CACNA1C: variants seen among roughly 807,000 people sequenced by gnomAD.
CACNA1C encodes the protein calcium voltage-gated channel subunit alpha1 C.
CACNA1C carries 30 observed loss-of-function variants against 229.0 expected under a neutral mutation model. The ratio of observed to expected loss-of-function variants is 0.13; its 90% CI spans 0.10 to 0.18. The LOEUF (loss-of-function observed/expected upper bound fraction) is 0.18, where lower values mean the gene tolerates loss of function less well. Ranked by LOEUF, CACNA1C falls within the 10% of genes least tolerant of loss-of-function variation. CACNA1C has a pLI of 1.00. For missense variants in CACNA1C, 1,658 were observed against 2,845.0 expected (o/e 0.58, Z 9.49); for synonymous variants, 1,114 against 1,132.5 (o/e 0.98, Z 0.33).
At chr12:2,436,576 C>T (rs1209549920) in intron 3 of CACNA1C, among the ~76,000 whole-genome samples, 4 of 152,188 alleles carry the variant, frequency 2.6e-5, no homozygotes, top group Non-Finnish European at 4.4e-5. Flanking sequence ...CCCACACAGG[C>T]TGGGAGCTAA....
intron 3 of CACNA1C, among the ~76,000 whole-genome samples, chr12:2,420,455 CTCCCACTGGCTT>C (rs2098967516): frequency 6.6e-6 from 1 of 152,166 alleles, no homozygotes. Flanking sequence ...GAGCTGTGTC[CTCCCACTGGCTT>C]TTCTCCCTGC....
In CACNA1C at chr12:2,504,689, C is replaced by T; in HGVS notation, c.1114-153C>T. On this transcript the variant is annotated intron_variant, in intron 7 of 46. Transcript: ENST00000399655. The surrounding 1 kb of genome is among the most constrained non-coding windows in gnomAD (Gnocchi z 6.8). ...CTCTGTTCAACCACAGATTCTGACC[C>T]ATTGGCCAGGCAGGCTGTTTGGCCT... The T allele has an allele frequency of 1.3e-6, 1 of 756,832 alleles. No individual in the cohort carries two copies. The highest frequency in any genetic ancestry group is 2.3e-6 in the Non-Finnish European group (1 of 427,050). The allele number at this position is 756,832 out of a possible 1,614,324, so 46.9% of individuals were successfully genotyped here.
chr12:2,226,189 G>T (rs906060427), intron 3 of CACNA1C, among the ~76,000 whole-genome samples: 3 of 149,720 alleles, frequency 2.0e-5, no homozygotes, highest in Non-Finnish European at 4.4e-5. Context: ...CTTCATACAG[G>T]GGTAGTAAAA....
chr12:2,290,268 G>A (rs1348692830), intron 3 of CACNA1C, among the ~76,000 whole-genome samples: 1 of 152,206 alleles, frequency 6.6e-6, no homozygotes, highest in Non-Finnish European at 1.5e-5. Flanking sequence ...GGCAATTGGG[G>A]ATTGGGGGCA....
intron 45 of CACNA1C, 79 bp downstream of exon 45, chr12:2,686,348 G>C: frequency 9.2e-7 from 1 of 1,087,890 alleles, no homozygotes; most frequent in South Asian, 1.2e-5. Context: ...AAATCCTGAA[G>C]ACTTCAGTGG....
intron 3 of CACNA1C, among the ~76,000 whole-genome samples, chr12:2,385,738 A>G (rs1357601594): frequency 1.3e-5 from 2 of 152,196 alleles, no homozygotes; most frequent in Non-Finnish European, 2.9e-5. Flanking sequence ...GGATAACTAT[A>G]AACTCCTTAA....
At chr12:2,098,653 G>T (rs1017557085) in intron 1 of CACNA1C, among the ~76,000 whole-genome samples, 4 of 152,146 alleles carry the variant, frequency 2.6e-5, no homozygotes, top group African/African-American at 9.7e-5. Flanking sequence ...TCTGTGTATG[G>T]GATATAGCGA....
Position 2,677,988 on chromosome 12 carries a change from C to A in CACNA1C, c.5091+121C>A. The A allele has an allele frequency of 8.7e-7, 1 of 1,149,356 alleles. No homozygotes were observed. The highest frequency in any genetic ancestry group is 1.3e-6 in the Non-Finnish European group (1 of 795,360). 71.2% of individuals were successfully genotyped at this position (1,149,356 alleles called of 1,614,324 possible). A position where few individuals can be genotyped will look rare whatever the true frequency, so the allele number is the denominator to read the frequency against. On this transcript the variant is annotated intron_variant, in intron 41 of 46. Coordinates refer to ENST00000399655, the MANE Select transcript of CACNA1C (RefSeq NM_000719.7). The surrounding 1 kb of genome is among the most constrained non-coding windows in gnomAD (Gnocchi z 7.4). ...GCTGCACCAGAGGAAAGGGCTACTT[C>A]CAGGCTCTTCCTGATGAGCTGTCTC... is the stretch of plus-strand genomic sequence containing the variant.
chr12:2,668,075 A>C (rs1417543413), intron 37 of CACNA1C, among the ~76,000 whole-genome samples: 1 of 152,198 alleles, frequency 6.6e-6, no homozygotes, highest in Non-Finnish European at 1.5e-5. Context: ...TTGTCAATAC[A>C]CAGAGAGGAC....
At chr12:2,240,033 A>T (rs1197831237) in intron 3 of CACNA1C, among the ~76,000 whole-genome samples, 1 of 152,276 alleles carries the variant, frequency 6.6e-6, no homozygotes, top group Non-Finnish European at 1.5e-5. Context: ...TTTATTACTC[A>T]TAGAAATTGT....
chr12:2,623,894 G>A (rs1427727339), intron 29 of CACNA1C, among the ~76,000 whole-genome samples: 2 of 152,228 alleles, frequency 1.3e-5, no homozygotes, highest in African/African-American at 2.4e-5. Context: ...TCTGCCGGAA[G>A]AGAAAGCAGA....
chr12:2,455,641 C>G (rs1218583789), intron 4 of CACNA1C, among the ~76,000 whole-genome samples: 1 of 152,134 alleles, frequency 6.6e-6, no homozygotes, highest in Non-Finnish European at 1.5e-5. Flanking sequence ...TCTCTTGAAC[C>G]TATGTCTGCT....
intron 8 of CACNA1C, among the ~76,000 whole-genome samples, chr12:2,508,047 G>T (rs985864059): frequency 6.6e-6 from 1 of 152,220 alleles, no homozygotes; most frequent in Non-Finnish European, 1.5e-5. Flanking sequence ...GAAGGCAACC[G>T]CCCAGAGGCC....
chr12:2,684,918 G>T (rs1004716815), intron 43 of CACNA1C, among the ~76,000 whole-genome samples: 1 of 152,218 alleles, frequency 6.6e-6, no homozygotes, highest in African/African-American at 2.4e-5. Flanking sequence ...CCTCAGAGGT[G>T]TGGGGTGGCA....
In CACNA1C at chr12:2,594,423, C is replaced by T. The variant is rs191056926; in HGVS notation, c.2663+1078C>T. On this transcript the variant is annotated intron_variant, in intron 19 of 46. Coordinates refer to ENST00000399655, the MANE Select transcript of CACNA1C (RefSeq NM_000719.7). ...TCTGTATTCTGGGAAATTTCTTCAA[C>T]TGTATCTTCCAGTTTCTTAATTCTA... 2.0e-5 allele frequency among the ~76,000 whole-genome samples: 3 copies of T among 152,334 alleles called. No homozygotes were observed. The East Asian group carries it at 5.8e-4, about 29-fold the overall frequency.
intron 7 of CACNA1C, among the ~76,000 whole-genome samples, chr12:2,500,534 CGCCATCTGCCCAGGCTCCAGAG>C (rs540868252): frequency 1.8e-4 from 27 of 152,272 alleles, no homozygotes; most frequent in African/African-American, 6.5e-4. Flanking sequence ...AACTCCCACT[CGCCATCTGCCCAGGCTCCAGAG>C]GCAGCTTTGG....
At chr12:2,351,880 C>T (rs1037736450) in intron 3 of CACNA1C, among the ~76,000 whole-genome samples, 4 of 152,110 alleles carry the variant, frequency 2.6e-5, no homozygotes, top group Non-Finnish European at 4.4e-5. Context: ...AACAAGGAGA[C>T]GGGAGCAAGG....
At chr12:1,989,320 A>G (rs1406303975) in intron 1 of CACNA1C, among the ~76,000 whole-genome samples, 1 of 151,356 alleles carries the variant, frequency 6.6e-6, no homozygotes, top group Non-Finnish European at 1.5e-5. Flanking sequence ...CCTGGGTGAC[A>G]GAGCAAGAAC....
Position 2,593,227 on chromosome 12 carries a change from G to C in CACNA1C, c.2545G>C (p.Glu849Gln). Reference protein sequence around the residue: ...NPETTGEEDEEEPEMPVGPRP... With the variant: ...NPETTGEEDEQEPEMPVGPRP... ...TCTTCTTACAGGAGAAGAGGATGAG[G>C]AGGAGCCAGAGATGCCTGTCGGCCC... Residue 849 changes from glutamate to glutamine, a missense_variant, in exon 19 of 47, where the codon GAG becomes CAG. Around this residue, in one of 20 missense-constraint regions of CACNA1C, gnomAD observed 121 missense variants for 128.8 expected, o/e 0.94. Transcript: ENST00000399655. The C allele has an allele frequency of 6.2e-7, 1 of 1,613,424 alleles. No individual in the cohort carries two copies. Among genetic ancestry groups the C allele is most frequent in the Non-Finnish European group, 8.5e-7 (1 of 1,179,704 alleles).
Sources: gnomAD v4.1 joint callset for allele counts (sites outside exome capture counted in the v4.1 genomes callset) on GRCh38, gnomAD v4.1.1 for gene constraint, gnomAD v4.1.1 regional missense constraint, Gnocchi (gnomAD v3.1) non-coding constraint, MANE v1.5 for transcripts, NCBI Gene and HGNC (gene_info 2026-07-23, HGNC 2026-07-21) for gene names.